The following LHFPL3 variants were observed in gnomAD, a reference collection of about 807,000 sequenced individuals.
LHFPL3 encodes the protein LHFPL tetraspan subfamily member 3, also known as LHFPL tetraspan subfamily member 3 protein.
LHFPL3 carries 5 observed loss-of-function variants against 19.3 expected under a neutral mutation model. The ratio of observed to expected loss-of-function variants is 0.26; its 90% CI spans 0.14 to 0.54. LHFPL3 has a LOEUF of 0.54. LHFPL3 is among the 20% of genes least tolerant of loss of function. The probability of loss-of-function intolerance (pLI) is 0.94; values close to 1 mark genes in which losing one functional copy is unlikely to be tolerated. For missense variants in LHFPL3, 249 were observed against 307.4 expected, an observed-to-expected ratio of 0.81 and a Z score of 1.42; for synonymous variants, 133 against 126.2, an observed-to-expected ratio of 1.05 and a Z score of -0.36.
chr7:104,493,954 C>G (rs1428725808), intron 1 of LHFPL3, among the ~76,000 whole-genome samples: 1 of 152,144 alleles, frequency 6.6e-6, no homozygotes, highest in African/African-American at 2.4e-5. Flanking sequence ...ATAATTTATA[C>G]TAAAACATTT....
At chr7:104,514,952 A>T (rs1045971404) in intron 1 of LHFPL3, among the ~76,000 whole-genome samples, 2 of 152,170 alleles carry the variant, frequency 1.3e-5, no homozygotes, top group African/African-American at 4.8e-5. Context: ...TCTGCACTCA[A>T]TGGAAGCCCA....
At chr7:104,442,244 CT>C (rs34028727) in intron 1 of LHFPL3, among the ~76,000 whole-genome samples, 107,876 of 148,910 alleles carry the variant, frequency 0.72, 39,815 homozygotes, top group African/African-American at 0.9. Context: ...AAAATCTGGT[CT>C]TTTTTTTTTT....
chr7:104,658,705 G>A lies in LHFPL3; in HGVS notation c.446-77970G>A, dbSNP rs531686358. ...CCCTGGAGGCTGAGGCAGGAGAATCGCTTGAACCCAGGAGGAGGAGGTTTC... is the reference window on the plus strand; with the variant it reads ...CCCTGGAGGCTGAGGCAGGAGAATCACTTGAACCCAGGAGGAGGAGGTTTC... On this transcript the variant is annotated intron_variant, in intron 1 of 2. Coordinates refer to ENST00000424859, the MANE Select transcript of LHFPL3 (RefSeq NM_199000.3). Among the ~76,000 whole-genome samples, 14 of 152,232 alleles carry A rather than the reference G, an allele frequency of 9.2e-5. No homozygotes were observed. The East Asian group carries it at 1.7e-3, about 19-fold the overall frequency.
At chr7:104,856,631 T>C (rs1191901690) in intron 2 of LHFPL3, among the ~76,000 whole-genome samples, 2 of 152,234 alleles carry the variant, frequency 1.3e-5, no homozygotes, top group Non-Finnish European at 2.9e-5. Context: ...TTCACTAATT[T>C]CAGTGTATTA....
chr7:104,883,765 C>A (rs961574204), intron 2 of LHFPL3, among the ~76,000 whole-genome samples: 2 of 152,214 alleles, frequency 1.3e-5, no homozygotes, highest in Admixed American at 6.5e-5. Context: ...TTTTAAGAAT[C>A]TTCCATATTT....
chr7:104,659,873 A>G (rs774780845), intron 1 of LHFPL3, among the ~76,000 whole-genome samples: 6 of 152,324 alleles, frequency 3.9e-5, no homozygotes, highest in Middle Eastern at 6.8e-3. Context: ...GGATAGGGTT[A>G]GAAGTAGCCC....
chr7:104,671,286 A>G (rs1399056534), intron 1 of LHFPL3, among the ~76,000 whole-genome samples: 1 of 152,072 alleles, frequency 6.6e-6, no homozygotes, highest in African/African-American at 2.4e-5. Flanking sequence ...TTGATTGTAG[A>G]TAATGAAAAG....
Position 104,360,342 on chromosome 7 carries a change from G to A in LHFPL3, c.445+31118G>A, listed in dbSNP as rs191415429. 5.2e-3 allele frequency among the ~76,000 whole-genome samples: 786 copies of A among 152,270 alleles called. 4 individuals carry two copies. The highest frequency in any genetic ancestry group is 0.018 in the African/African-American group (751 of 41,544). ...GTGCTTGCTGTGCACCTGCTCATAT[G>A]TCTGTACTCATGCTTGTCATACTTT... On this transcript the variant is annotated intron_variant, in intron 1 of 2. Transcript: ENST00000424859.
intron 2 of LHFPL3, among the ~76,000 whole-genome samples, chr7:104,749,660 T>A (rs202004231): frequency 6.6e-6 from 1 of 151,438 alleles, no homozygotes; most frequent in Admixed American, 6.6e-5. Flanking sequence ...AGTTAACATA[T>A]GCCATTTGCC....
intron 1 of LHFPL3, among the ~76,000 whole-genome samples, chr7:104,631,437 G>A (rs1791640252): frequency 6.6e-6 from 1 of 152,124 alleles, no homozygotes. Context: ...CAAAACTGAT[G>A]TGATTATATT....
At chr7:104,836,128 AG>A (rs1223794287) in intron 2 of LHFPL3, among the ~76,000 whole-genome samples, 9 of 152,338 alleles carry the variant, frequency 5.9e-5, no homozygotes, top group Non-Finnish European at 1.0e-4. Context: ...ATGATAACAA[AG>A]ATTTCTAGGA....
intron 1 of LHFPL3, among the ~76,000 whole-genome samples, chr7:104,338,292 G>C (rs1229094110): frequency 6.6e-6 from 1 of 151,656 alleles, no homozygotes; most frequent in Non-Finnish European, 1.5e-5. Flanking sequence ...GTAGAGACGG[G>C]GTGTCACCGT....
intron 2 of LHFPL3, among the ~76,000 whole-genome samples, chr7:104,831,295 CT>C (rs1270173040): frequency 1.3e-5 from 2 of 151,906 alleles, no homozygotes; most frequent in African/African-American, 4.9e-5. Context: ...AAAATGAGTT[CT>C]TGCAGTTCTT....
chr7:104,640,371 G>A (rs1387790503), intron 1 of LHFPL3, among the ~76,000 whole-genome samples: 4 of 152,146 alleles, frequency 2.6e-5, no homozygotes, highest in Non-Finnish European at 5.9e-5. Context: ...AACATGTGGT[G>A]TTTGGTTTTC....
At chr7:104,517,258 A>G (rs543345706) in intron 1 of LHFPL3, among the ~76,000 whole-genome samples, 4 of 152,304 alleles carry the variant, frequency 2.6e-5, no homozygotes, top group Non-Finnish European at 2.9e-5. Context: ...AAGTTTACCT[A>G]TGCAACAAAC....
At chr7:104,360,053 C>T (rs1370217448) in intron 1 of LHFPL3, among the ~76,000 whole-genome samples, 1 of 152,224 alleles carries the variant, frequency 6.6e-6, no homozygotes, top group Non-Finnish European at 1.5e-5. Context: ...ATCCTCAAAT[C>T]CTGACACTTT....
At chr7:104,438,399 C>T (rs1027480786) in intron 1 of LHFPL3, among the ~76,000 whole-genome samples, 3 of 152,310 alleles carry the variant, frequency 2.0e-5, no homozygotes, top group South Asian at 2.1e-4. Context: ...AAACACTATT[C>T]TCATAAAATA....
intron 2 of LHFPL3, among the ~76,000 whole-genome samples, chr7:104,882,872 A>AG (rs1413586567): frequency 6.6e-6 from 1 of 152,162 alleles, no homozygotes; most frequent in African/African-American, 2.4e-5. Flanking sequence ...AGATGGGGGA[A>AG]GGGTATGATT....
At chr7:104,457,942 A>C (rs6951349) in intron 1 of LHFPL3, among the ~76,000 whole-genome samples, 1 of 135,648 alleles carries the variant, frequency 7.4e-6, no homozygotes, top group Non-Finnish European at 1.6e-5. Context: ...CATATCCTTC[A>C]CCCACTTTTT....
Sources: gnomAD v4.1 joint callset for allele counts (sites outside exome capture counted in the v4.1 genomes callset) on GRCh38, gnomAD v4.1.1 for gene constraint, MANE v1.5 for transcripts, NCBI Gene and HGNC (gene_info 2026-07-23, HGNC 2026-07-21) for gene names.